The following PHACTR3 variants were observed in gnomAD, a reference collection of about 807,000 sequenced individuals.
PHACTR3 encodes protein phosphatase 1, regulatory subunit 123.
A neutral mutation model predicts 66.8 loss-of-function variants in PHACTR3; 16 were observed. That is an observed-to-expected ratio of 0.24 (90% CI 0.16 to 0.36). PHACTR3 has a LOEUF of 0.36. Among genes scored for constraint, PHACTR3 ranks in the 10% least tolerant of loss-of-function variants. The pLI, the probability that PHACTR3 is intolerant of heterozygous loss-of-function variation, is 1.00. For missense variants in PHACTR3, 647 were observed against 719.9 expected, an observed-to-expected ratio of 0.90 and a Z score of 1.16; for synonymous variants, 323 against 292.1, an observed-to-expected ratio of 1.11 and a Z score of -1.08.
chr20:59,682,195 C>T (rs1410181724), intron 1 of PHACTR3, among the ~76,000 whole-genome samples: 1 of 152,060 alleles, frequency 6.6e-6, no homozygotes, highest in Non-Finnish European at 1.5e-5. Flanking sequence ...CAAAAATTAG[C>T]TGGGTGTGGT....
At chr20:59,607,139 G>A (rs1170036628) in intron 1 of PHACTR3, among the ~76,000 whole-genome samples, 1 of 152,122 alleles carries the variant, frequency 6.6e-6, no homozygotes, top group Admixed American at 6.5e-5. Context: ...TTTGATGGTG[G>A]ACTCAGTTCT....
At chr20:59,769,189 C>G (rs2040284559) in intron 5 of PHACTR3, among the ~76,000 whole-genome samples, 2 of 152,246 alleles carry the variant, frequency 1.3e-5, no homozygotes, top group Non-Finnish European at 1.5e-5. Flanking sequence ...ACCATGCGCC[C>G]CATCTTCCAG....
chr20:59,642,177 A>G (rs1459124759), intron 1 of PHACTR3, among the ~76,000 whole-genome samples: 5 of 151,940 alleles, frequency 3.3e-5, no homozygotes, highest in Non-Finnish European at 5.9e-5. Flanking sequence ...ATTAGAGAGG[A>G]AAAAAAAGAC....
chr20:59,805,439 CAGTT>C (rs1277164345), intron 7 of PHACTR3, among the ~76,000 whole-genome samples: 3 of 152,290 alleles, frequency 2.0e-5, no homozygotes, highest in South Asian at 4.2e-4. Context: ...GAAAAGATAT[CAGTT>C]GGTTGGGGGG....
At chr20:59,600,200 T>C (rs73301405), upstream of PHACTR3, among the ~76,000 whole-genome samples, 15,364 of 152,228 alleles carry the variant, frequency 0.1, 930 homozygotes, top group African/African-American at 0.16. Context: ...GCCCTTGCAC[T>C]TCCAGAGCAT....
At chr20:59,602,014 G>C (rs1194724781), upstream of PHACTR3, among the ~76,000 whole-genome samples, 1 of 152,170 alleles carries the variant, frequency 6.6e-6, no homozygotes, top group African/African-American at 2.4e-5. Flanking sequence ...ATAATTTTTG[G>C]TGGTGCACGG....
chr20:59,734,448 G>A (rs1216436527), intron 1 of PHACTR3, among the ~76,000 whole-genome samples: 1 of 152,090 alleles, frequency 6.6e-6, no homozygotes, highest in African/African-American at 2.4e-5. Flanking sequence ...TGTAGAGACA[G>A]GGTCTCACTA....
intron 1 of PHACTR3, among the ~76,000 whole-genome samples, chr20:59,684,822 G>A (rs2036797535): frequency 6.6e-6 from 1 of 152,212 alleles, no homozygotes; most frequent in South Asian, 2.1e-4. Flanking sequence ...GGGTTGTGAG[G>A]ATGAAAGAAT....
intron 1 of PHACTR3, among the ~76,000 whole-genome samples, chr20:59,588,005 C>T (rs1360111074): frequency 6.6e-6 from 1 of 152,164 alleles, no homozygotes; most frequent in Non-Finnish European, 1.5e-5. Context: ...TGATTATAAC[C>T]CTGATCCCAG....
chr20:59,713,882 A>G (rs774145759), intron 1 of PHACTR3, among the ~76,000 whole-genome samples: 2 of 152,024 alleles, frequency 1.3e-5, no homozygotes, highest in African/African-American at 2.4e-5. Flanking sequence ...TGGAAGTTCT[A>G]GTTGCTCTTT....
At position 59,655,276 on chromosome 20, in the gene PHACTR3, A is replaced by G. The variant is rs139135200; in HGVS notation, c.118+50144A>G. On this transcript the variant is annotated intron_variant, in intron 1 of 12. Transcript: ENST00000371015. Reference sequence around the variant, plus strand: ...TTATGGTTTTTAAATTTTTTTATATATAGCTTTATTGAGATACAATTCACA... The same window carrying G: ...TTATGGTTTTTAAATTTTTTTATATGTAGCTTTATTGAGATACAATTCACA... 9.2e-3 allele frequency among the ~76,000 whole-genome samples: 1,395 copies of G among 152,096 alleles called. 27 individuals are homozygous for G. The highest frequency in any genetic ancestry group is 0.032 in the African/African-American group (1,312 of 41,562).
chr20:59,782,259 T>G (rs2040750338), intron 7 of PHACTR3, among the ~76,000 whole-genome samples: 1 of 152,214 alleles, frequency 6.6e-6, no homozygotes, highest in Non-Finnish European at 1.5e-5. Context: ...GTTTTTTGTT[T>G]TGTTTTTTCT....
chr20:59,615,379 A>G (rs2033991717), intron 1 of PHACTR3, among the ~76,000 whole-genome samples: 1 of 152,216 alleles, frequency 6.6e-6, no homozygotes, highest in African/African-American at 2.4e-5. Flanking sequence ...TACAGTGTGC[A>G]TGGAGCATGG....
intron 1 of PHACTR3, among the ~76,000 whole-genome samples, chr20:59,722,122 C>T (rs2038330880): frequency 6.6e-6 from 1 of 152,098 alleles, no homozygotes; most frequent in South Asian, 2.1e-4. Flanking sequence ...GTCCCAGCTA[C>T]TCGGGAGGCT....
intron 1 of PHACTR3, among the ~76,000 whole-genome samples, chr20:59,734,112 C>A (rs947715833): frequency 6.6e-6 from 1 of 152,126 alleles, no homozygotes; most frequent in Non-Finnish European, 1.5e-5. Flanking sequence ...GGTCCCCACA[C>A]GCCTTCCTAA....
chr20:59,815,459 T>A (rs190495975), intron 8 of PHACTR3, among the ~76,000 whole-genome samples: 73 of 139,120 alleles, frequency 5.2e-4, no homozygotes, highest in Admixed American at 9.4e-4. Flanking sequence ...GGACTCTCAC[T>A]CTGTCTCCAG....
intron 8 of PHACTR3, among the ~76,000 whole-genome samples, chr20:59,821,566 T>A (rs1285196146): frequency 6.6e-6 from 1 of 152,088 alleles, no homozygotes; most frequent in Non-Finnish European, 1.5e-5. Context: ...CTGCTCTGAA[T>A]AGGACCAGCA....
At chr20:59,791,186 T>C (rs553459014) in intron 7 of PHACTR3, among the ~76,000 whole-genome samples, 3 of 152,262 alleles carry the variant, frequency 2.0e-5, no homozygotes, top group Admixed American at 1.3e-4. Context: ...TCCGCCATCA[T>C]GGATGGGATT....
intron 8 of PHACTR3, among the ~76,000 whole-genome samples, chr20:59,812,021 C>G (rs1374098380): frequency 6.6e-6 from 1 of 152,232 alleles, no homozygotes; most frequent in African/African-American, 2.4e-5. Flanking sequence ...GAGCTGTCAC[C>G]TGCACGGGGC....
Sources: gnomAD v4.1 joint callset for allele counts (sites outside exome capture counted in the v4.1 genomes callset) on GRCh38, gnomAD v4.1.1 for gene constraint, MANE v1.5 for transcripts, NCBI Gene and HGNC (gene_info 2026-07-23, HGNC 2026-07-21) for gene names.